The following ASCC3 variants were observed in gnomAD, a reference collection of about 807,000 sequenced individuals.
ASCC3 encodes the protein activating signal cointegrator 1 complex subunit 3.
In ASCC3, 158 loss-of-function variants were observed where a neutral mutation model predicts 256.3. That is an observed-to-expected ratio of 0.62 (90% CI 0.54 to 0.70). The LOEUF (loss-of-function observed/expected upper bound fraction) is 0.70, where lower values mean the gene tolerates loss of function less well. Ranked by LOEUF, ASCC3 falls within the 30% of genes least tolerant of loss-of-function variation. The pLI is 0.00. For synonymous variants in ASCC3, 948 were observed against 883.4 expected (o/e 1.07, Z -1.30); for missense variants, 2,259 against 2,626.0 (o/e 0.86, Z 3.05).
intron 8 of ASCC3, among the ~76,000 whole-genome samples, chr6:100,773,481 C>T (rs1270127655): frequency 6.6e-6 from 1 of 152,140 alleles, no homozygotes; most frequent in Non-Finnish European, 1.5e-5. Context: ...TTCTGGTTCT[C>T]TCCAATTCCC....
chr6:100,840,179 T>C (rs530097662), intron 4 of ASCC3, among the ~76,000 whole-genome samples: 32 of 152,246 alleles, frequency 2.1e-4, no homozygotes, highest in African/African-American at 7.2e-4. Context: ...TATTCAGATA[T>C]ATACCCACAA....
chr6:100,789,139 A>G (rs1467840199), intron 8 of ASCC3, among the ~76,000 whole-genome samples: 1 of 151,880 alleles, frequency 6.6e-6, no homozygotes, highest in African/African-American at 2.4e-5. Flanking sequence ...GAGGGAGGGC[A>G]GAGGAAAGAA....
intron 36 of ASCC3, among the ~76,000 whole-genome samples, chr6:100,577,265 T>C (rs1349024186): frequency 1.3e-5 from 2 of 152,024 alleles, no homozygotes; most frequent in African/African-American, 4.8e-5. Context: ...TTTTGGCCTA[T>C]ATTATATCTG....
intron 4 of ASCC3, among the ~76,000 whole-genome samples, chr6:100,836,186 T>C (rs1771865599): frequency 6.6e-6 from 1 of 152,118 alleles, no homozygotes. Context: ...TTGGATCATG[T>C]TGTCTGCAAA....
intron 8 of ASCC3, among the ~76,000 whole-genome samples, chr6:100,778,539 T>A (rs1485792053): frequency 2.0e-5 from 3 of 152,136 alleles, no homozygotes; most frequent in African/African-American, 7.2e-5. Flanking sequence ...CAATTAGGGT[T>A]TATCAACTGT....
At chr6:100,845,585 G>A (rs930235212) in intron 4 of ASCC3, among the ~76,000 whole-genome samples, 2 of 152,074 alleles carry the variant, frequency 1.3e-5, no homozygotes, top group African/African-American at 4.8e-5. Context: ...ATTAAATGAA[G>A]TCATGCACAT....
Position 100,848,324 on chromosome 6 carries a change from T to C in ASCC3, c.625A>G (p.Thr209Ala). ...TTTTCCACAGGCTTGAGTTCTGGGG[T>C]GCAAGCCTCCTGGAGATGTTCATTC... ...FLNEHLQEAC[T>A]PELKPVEKTN... The change falls in exon 4 of 42, where the codon ACC becomes GCC. Residue 209 changes from threonine to alanine, a missense_variant. Thr to Ala is a moderately conservative substitution (Grantham distance 58). Around this residue, in one of 2 missense-constraint regions of ASCC3, gnomAD observed 420 missense variants for 419.3 expected, o/e 1.00. Coordinates refer to ENST00000369162, the MANE Select transcript of ASCC3 (RefSeq NM_006828.4). 4 of 1,614,086 alleles carry C rather than the reference T, an allele frequency of 2.5e-6. No homozygotes were observed. Among genetic ancestry groups the C allele is most frequent in the Non-Finnish European group, 3.4e-6 (4 of 1,180,002 alleles).
At chr6:100,720,950 CTA>C (rs1434991507) in intron 11 of ASCC3, among the ~76,000 whole-genome samples, 2 of 147,482 alleles carry the variant, frequency 1.4e-5, no homozygotes, top group Non-Finnish European at 3.0e-5. Flanking sequence ...TATATAGAAA[CTA>C]TACTATTTAC....
At chr6:100,838,262 T>C (rs1771975382) in intron 4 of ASCC3, among the ~76,000 whole-genome samples, 1 of 152,008 alleles carries the variant, frequency 6.6e-6, no homozygotes, top group Non-Finnish European at 1.5e-5. Flanking sequence ...ATATGAAGTA[T>C]AATAAGAGAA....
intron 2 of ASCC3, among the ~76,000 whole-genome samples, chr6:100,864,661 T>C (rs1171101288): frequency 6.6e-6 from 1 of 152,196 alleles, no homozygotes; most frequent in Non-Finnish European, 1.5e-5. Context: ...TAGACTCCCA[T>C]GACAGGTTCA....
intron 14 of ASCC3, among the ~76,000 whole-genome samples, chr6:100,678,943 T>C (rs546475717): frequency 1.3e-5 from 2 of 152,334 alleles, no homozygotes; most frequent in South Asian, 2.1e-4. Flanking sequence ...TTATCTGATA[T>C]AGTTAAATAA....
intron 37 of ASCC3, among the ~76,000 whole-genome samples, chr6:100,537,070 C>A (rs929232969): frequency 3.9e-5 from 6 of 152,030 alleles, no homozygotes; most frequent in African/African-American, 1.4e-4. Flanking sequence ...AAAACTATGA[C>A]AAGAAACAGA....
intron 8 of ASCC3, among the ~76,000 whole-genome samples, chr6:100,785,480 C>A (rs1769019124): frequency 6.6e-6 from 1 of 152,132 alleles, no homozygotes; most frequent in Non-Finnish European, 1.5e-5. Context: ...CGGCTCACTG[C>A]AATCTCAAAC....
intron 37 of ASCC3, chr6:100,530,414 A>G (rs1002733195): frequency 1.7e-5 from 17 of 986,346 alleles, no homozygotes; most frequent in Non-Finnish European, 2.5e-5. Flanking sequence ...ATTTTTTCCA[A>G]AATCCTGAAC....
intron 4 of ASCC3, among the ~76,000 whole-genome samples, chr6:100,812,515 T>G (rs1770523027): frequency 6.6e-6 from 1 of 151,462 alleles, no homozygotes; most frequent in African/African-American, 2.4e-5. Context: ...AAGAAAATTA[T>G]GAAATTATAC....
rs576292083 is a variant in ASCC3, at chr6:100,847,829, T to G, written c.801+319A>C. 2.0e-5 allele frequency among the ~76,000 whole-genome samples: 3 copies of G among 152,270 alleles called. No homozygotes were observed. In the South Asian group the frequency reaches 6.2e-4, roughly 32 times the overall value. ...GTAGGCCATCCCTCTTAATCTTTCA[T>G]GAAATATATTACTCATTCAATTTGT... On this transcript the variant is annotated intron_variant, in intron 4 of 41. Coordinates refer to ENST00000369162, the MANE Select transcript of ASCC3 (RefSeq NM_006828.4).
intron 30 of ASCC3, among the ~76,000 whole-genome samples, chr6:100,614,689 T>A (rs921156563): frequency 3.3e-5 from 5 of 152,136 alleles, no homozygotes; most frequent in African/African-American, 1.2e-4. Context: ...AGTTAACTAA[T>A]GAAAGTAATA....
intron 20 of ASCC3, among the ~76,000 whole-genome samples, chr6:100,648,715 C>T (rs1350895810): frequency 6.6e-6 from 1 of 151,912 alleles, no homozygotes; most frequent in Non-Finnish European, 1.5e-5. Flanking sequence ...CTCATTCCCA[C>T]TTGTTCTTAC....
At position 100,715,498 on chromosome 6, in the gene ASCC3, A is replaced by G; in HGVS notation, c.2115T>C (p.Tyr705=). 6.2e-7 allele frequency: 1 copy of G among 1,611,488 alleles called. No homozygotes were observed. Among genetic ancestry groups the G allele is most frequent in the Non-Finnish European group, 8.5e-7 (1 of 1,178,280 alleles). ...CCTTTACTTGCTTCAAAACATTTTC[A>G]TAACATACTTCATCCATGTTATTCA... ...QQLNNMDEVC[Y]ENVLKQVKAG... The change falls in exon 13 of 42, where the codon TAT becomes TAC. Residue 705 remains tyrosine (Y), a synonymous_variant. Coordinates refer to ENST00000369162, the MANE Select transcript of ASCC3 (RefSeq NM_006828.4).
Sources: allele counts gnomAD v4.1 joint callset (sites outside exome capture counted in the v4.1 genomes callset), GRCh38; gene constraint gnomAD v4.1.1; regional missense constraint gnomAD v4.1.1; transcripts MANE v1.5; gene names NCBI Gene and HGNC (gene_info 2026-07-23, HGNC 2026-07-21).